CDH4: variants seen among roughly 807,000 people sequenced by gnomAD.
CDH4 encodes the protein cadherin-4.
CDH4 carries 33 observed loss-of-function variants against 86.0 expected under a neutral mutation model. The observed-to-expected ratio is 0.38, with a 90% CI of 0.29 to 0.51. The LOEUF is 0.51. Ranked by LOEUF, CDH4 falls within the 20% of genes least tolerant of loss-of-function variation. The probability of loss-of-function intolerance (pLI) is 0.86; values close to 1 mark genes in which losing one functional copy is unlikely to be tolerated. For synonymous variants in CDH4, 555 were observed against 549.4 expected, an observed-to-expected ratio of 1.01 and a Z score of -0.14; for missense variants, 1,114 against 1,307.4, an observed-to-expected ratio of 0.85 and a Z score of 2.28.
At chr20:61,441,440 G>A (rs1194321875) in intron 2 of CDH4, among the ~76,000 whole-genome samples, 1 of 152,194 alleles carries the variant, frequency 6.6e-6, no homozygotes, top group Non-Finnish European at 1.5e-5. Context: ...ACTCCAGGTG[G>A]GAGAAAAGAC....
chr20:61,817,073 C>G (rs1980756434), intron 4 of CDH4, among the ~76,000 whole-genome samples: 1 of 152,212 alleles, frequency 6.6e-6, no homozygotes, highest in African/African-American at 2.4e-5. Context: ...CTTGGCTGGG[C>G]ACATGGCGAC....
intron 13 of CDH4, among the ~76,000 whole-genome samples, chr20:61,930,723 C>G (rs935514455): frequency 3.3e-5 from 5 of 152,192 alleles, no homozygotes; most frequent in African/African-American, 1.2e-4. Context: ...CTTGAAAAGC[C>G]GGTTTTCATT....
At chr20:61,837,335 C>T (rs1211963142) in intron 4 of CDH4, among the ~76,000 whole-genome samples, 1 of 152,168 alleles carries the variant, frequency 6.6e-6, no homozygotes, top group African/African-American at 2.4e-5. Flanking sequence ...CTGTGGATGG[C>T]AGGGAGGGAA....
At chr20:61,712,259 G>C (rs1600901164) in intron 2 of CDH4, among the ~76,000 whole-genome samples, 1 of 152,204 alleles carries the variant, frequency 6.6e-6, no homozygotes, top group Non-Finnish European at 1.5e-5. Context: ...GGGGCCTCCA[G>C]GTGGATGGGA....
At chr20:61,571,724 TCC>T in intron 2 of CDH4, among the ~76,000 whole-genome samples, 1 of 150,882 alleles carries the variant, frequency 6.6e-6, no homozygotes, top group Admixed American at 6.6e-5. Flanking sequence ...CCTCTCCTCC[TCC>T]CTCTCCCCTC....
At position 61,937,696 on chromosome 20, in the gene CDH4, T is replaced by TC. The variant is rs1339843676; in HGVS notation, c.*754dup. ...GCAGGGGCCTGGAGGGGAACAGGGGTCATCCTGAAGGGGCTCCACCCCCAG... is the reference window on the plus strand; with the variant it reads ...GCAGGGGCCTGGAGGGGAACAGGGGTCCATCCTGAAGGGGCTCCACCCCCAG... On this transcript the variant is annotated 3_prime_UTR_variant, in exon 16 of 16. Coordinates refer to ENST00000614565, the MANE Select transcript of CDH4 (RefSeq NM_001794.5). The TC allele has an allele frequency of 1.3e-5, 2 of 150,842 alleles. No homozygotes were observed. The highest frequency in any genetic ancestry group is 4.9e-5 in the African/African-American group (2 of 40,824). 9.3% of individuals were successfully genotyped at this position (150,842 alleles called of 1,614,324 possible). A position where few individuals can be genotyped will look rare whatever the true frequency, so the allele number is the denominator to read the frequency against.
At chr20:61,922,939 G>A (rs1382191888) in intron 9 of CDH4, among the ~76,000 whole-genome samples, 1 of 152,166 alleles carries the variant, frequency 6.6e-6, no homozygotes, top group Admixed American at 6.5e-5. Context: ...CTGTTATGAG[G>A]GCCTCTGTCT....
intron 2 of CDH4, among the ~76,000 whole-genome samples, chr20:61,626,418 A>ATG (rs995203661): frequency 6.9e-5 from 10 of 145,440 alleles, no homozygotes; most frequent in East Asian, 6.6e-4. Context: ...TGAGCCAAGA[A>ATG]TGTGTGTGTG....
Position 61,377,030 on chromosome 20 carries a change from A to G in CDH4, c.169+122093A>G, listed in dbSNP as rs780839770. Among the ~76,000 whole-genome samples, 30 of 152,210 alleles carry G rather than the reference A, an allele frequency of 2.0e-4. No homozygotes were observed. The highest frequency in any genetic ancestry group is 3.7e-4 in the Non-Finnish European group (25 of 68,034). ...CTAGTTAGGCAAGCTGGAAAGCTGT[A>G]GGATGATCAAAATATGAACGTGCAC... On this transcript the variant is annotated intron_variant, in intron 2 of 15. Coordinates refer to ENST00000614565, the MANE Select transcript of CDH4 (RefSeq NM_001794.5). The surrounding 1 kb of genome is among the most constrained non-coding windows in gnomAD (Gnocchi z 4.0).
chr20:61,534,586 T>C (rs1366087785), intron 2 of CDH4, among the ~76,000 whole-genome samples: 1 of 151,884 alleles, frequency 6.6e-6, no homozygotes, highest in Non-Finnish European at 1.5e-5. Flanking sequence ...CCTTGCGGTG[T>C]TGCTGTCCTC....
At chr20:61,749,076 A>G (rs1600944695) in intron 3 of CDH4, among the ~76,000 whole-genome samples, 1 of 152,364 alleles carries the variant, frequency 6.6e-6, no homozygotes, top group African/African-American at 2.4e-5. Flanking sequence ...AAAGGAAGCT[A>G]GTGGACTCTG....
At chr20:61,529,320 CATA>C (rs1398491852) in intron 2 of CDH4, among the ~76,000 whole-genome samples, 1 of 152,110 alleles carries the variant, frequency 6.6e-6, no homozygotes, top group Non-Finnish European at 1.5e-5. Flanking sequence ...ATGGGGAACT[CATA>C]ATAAAACTGG....
At chr20:61,429,762 G>C (rs2085235317) in intron 2 of CDH4, among the ~76,000 whole-genome samples, 1 of 151,804 alleles carries the variant, frequency 6.6e-6, no homozygotes, top group East Asian at 1.9e-4. Flanking sequence ...TGTGTGGATG[G>C]ATGGATGGAT....
At chr20:61,882,004 G>C (rs541906851) in intron 7 of CDH4, among the ~76,000 whole-genome samples, 2 of 152,352 alleles carry the variant, frequency 1.3e-5, no homozygotes, top group South Asian at 4.1e-4. Flanking sequence ...CAAGCCAAGG[G>C]TGCCTGGAGC....
intron 6 of CDH4, among the ~76,000 whole-genome samples, chr20:61,869,712 G>A (rs1983714721): frequency 6.6e-6 from 1 of 152,196 alleles, no homozygotes; most frequent in African/African-American, 2.4e-5. Context: ...GCCTCCAAGG[G>A]GGCTTAGTCC....
chr20:61,513,702 C>T (rs1003332890), intron 2 of CDH4, among the ~76,000 whole-genome samples: 1 of 152,212 alleles, frequency 6.6e-6, no homozygotes, highest in African/African-American at 2.4e-5. Flanking sequence ...ATCTGACAAC[C>T]ACAACCTGTG....
rs1477982825 is a variant in CDH4, at chr20:61,676,359, AC to A, written c.170-67202del. ...CCAGAGGAGGTGGGATTGCATTAGC[AC>A]CTTCTTTCCATTCCAATTTGGATCT... On this transcript the variant is annotated intron_variant, in intron 2 of 15. Transcript: ENST00000614565. The surrounding 1 kb of genome is among the most constrained non-coding windows in gnomAD (Gnocchi z 4.5). Among the ~76,000 whole-genome samples, 1 of 152,154 alleles carries A rather than the reference AC, an allele frequency of 6.6e-6. No individual in the cohort carries two copies. The highest frequency in any genetic ancestry group is 1.5e-5 in the Non-Finnish European group (1 of 68,034).
intron 2 of CDH4, among the ~76,000 whole-genome samples, chr20:61,590,812 T>C (rs2086512892): frequency 6.7e-6 from 1 of 148,644 alleles, no homozygotes; most frequent in South Asian, 2.2e-4. Flanking sequence ...CCTGACCTTT[T>C]AAAGTGGGCA....
At chr20:61,799,886 C>T (rs1470179919) in intron 4 of CDH4, among the ~76,000 whole-genome samples, 1 of 152,180 alleles carries the variant, frequency 6.6e-6, no homozygotes, top group Non-Finnish European at 1.5e-5. Flanking sequence ...TGCGGGGCCT[C>T]GAGTGGGGCC....
Sources: gnomAD v4.1 joint callset for allele counts (sites outside exome capture counted in the v4.1 genomes callset) on GRCh38, gnomAD v4.1.1 for gene constraint, Gnocchi (gnomAD v3.1) non-coding constraint, MANE v1.5 for transcripts, NCBI Gene and HGNC (gene_info 2026-07-23, HGNC 2026-07-21) for gene names.